LRP1B: variants seen among roughly 807,000 people sequenced by gnomAD.
LRP1B encodes LDL receptor related protein 1B, also known as low-density lipoprotein receptor-related protein 1B.
In LRP1B, 217 loss-of-function variants were observed where a neutral mutation model predicts 556.6. The observed-to-expected ratio is 0.39, with a 90% confidence interval of 0.35 to 0.44. The LOEUF (loss-of-function observed/expected upper bound fraction) is 0.44. Among genes scored for constraint, LRP1B ranks in the 20% least tolerant of loss-of-function variants. The probability of loss-of-function intolerance (pLI) is 1.00; values close to 1 mark genes in which losing one functional copy is unlikely to be tolerated. For missense variants in LRP1B, 5,053 were observed against 5,620.8 expected (o/e 0.90, Z 3.23); for synonymous variants, 2,047 against 1,865.8 (o/e 1.10, Z -2.50).
At chr2:140,793,227 T>C (rs1468286929) in intron 32 of LRP1B, among the ~76,000 whole-genome samples, 2 of 152,022 alleles carry the variant, frequency 1.3e-5, no homozygotes, top group African/African-American at 2.4e-5. Flanking sequence ...TGCCATTTTT[T>C]ATAATTTACT....
chr2:141,605,040 G>A (rs1455351233), intron 2 of LRP1B, among the ~76,000 whole-genome samples: 2 of 152,014 alleles, frequency 1.3e-5, no homozygotes, highest in Admixed American at 6.6e-5. Flanking sequence ...ACGTAAGGTG[G>A]CCCGGGTGGG....
intron 3 of LRP1B, among the ~76,000 whole-genome samples, chr2:141,299,465 A>G (rs1178246875): frequency 1.3e-5 from 2 of 152,206 alleles, no homozygotes; most frequent in African/African-American, 2.4e-5. Flanking sequence ...GGTACTTGAT[A>G]TTAAATGATT....
chr2:142,128,731 G>T (rs886851526), intron 1 of LRP1B, among the ~76,000 whole-genome samples: 1 of 152,002 alleles, frequency 6.6e-6, no homozygotes, highest in Admixed American at 6.6e-5. Context: ...GATACAACAC[G>T]ACACTATTTC....
In LRP1B at chr2:142,081,903, G is replaced by A. The variant is rs879156637; in HGVS notation, c.82+48745C>T. Among the ~76,000 whole-genome samples the A allele has an allele frequency of 2.6e-5, 4 of 152,160 alleles. No homozygotes were observed. The South Asian group carries it at 8.3e-4, about 32-fold the overall frequency. ...GTAATATTATCAGCCCTATTTTACAGAGGGTAAAAAGTGGGACCTGGAAAA... is the reference window on the plus strand; with the variant it reads ...GTAATATTATCAGCCCTATTTTACAAAGGGTAAAAAGTGGGACCTGGAAAA... On this transcript the variant is annotated intron_variant, in intron 1 of 90. Coordinates refer to ENST00000389484, the MANE Select transcript of LRP1B (RefSeq NM_018557.3).
chr2:141,667,829 C>A (rs1353488815), intron 2 of LRP1B, among the ~76,000 whole-genome samples: 1 of 152,122 alleles, frequency 6.6e-6, no homozygotes, highest in Non-Finnish European at 1.5e-5. Context: ...CTAGTACCTG[C>A]ACATGGGAGG....
chr2:141,996,681 T>G (rs1194481822), intron 1 of LRP1B, among the ~76,000 whole-genome samples: 2 of 150,068 alleles, frequency 1.3e-5, no homozygotes, highest in Non-Finnish European at 2.9e-5. Context: ...ATTTAAAATT[T>G]TAAAATATTT....
intron 35 of LRP1B, among the ~76,000 whole-genome samples, chr2:140,725,529 C>G (rs1687562818): frequency 8.5e-6 from 1 of 117,242 alleles, no homozygotes; most frequent in Non-Finnish European, 1.6e-5. Context: ...ACACCGGGGC[C>G]TGTCATGGGG....
At chr2:141,113,245 C>T (rs960211123) in intron 7 of LRP1B, among the ~76,000 whole-genome samples, 2 of 151,972 alleles carry the variant, frequency 1.3e-5, no homozygotes, top group Admixed American at 6.6e-5. Context: ...ACACAGTGAA[C>T]CAAAGAGATT....
At chr2:141,397,982 C>T (rs185964962) in intron 3 of LRP1B, among the ~76,000 whole-genome samples, 275 of 151,834 alleles carry the variant, frequency 1.8e-3, no homozygotes, top group Non-Finnish European at 3.2e-3. Flanking sequence ...TATACATAGA[C>T]CTATACTTTC....
At chr2:141,564,283 G>T (rs1378288245) in intron 2 of LRP1B, among the ~76,000 whole-genome samples, 2 of 152,062 alleles carry the variant, frequency 1.3e-5, no homozygotes, top group Non-Finnish European at 2.9e-5. Flanking sequence ...AAAGAATGAG[G>T]GTTAAGGAGT....
At chr2:142,077,438 T>A (rs1574659088) in intron 1 of LRP1B, among the ~76,000 whole-genome samples, 1 of 152,254 alleles carries the variant, frequency 6.6e-6, no homozygotes, top group East Asian at 1.9e-4. Flanking sequence ...CAAATGAATA[T>A]AATAATTTTT....
At chr2:141,116,421 G>C (rs1055264602) in intron 7 of LRP1B, among the ~76,000 whole-genome samples, 6 of 152,108 alleles carry the variant, frequency 3.9e-5, no homozygotes, top group African/African-American at 1.4e-4. Flanking sequence ...ATCCAATATG[G>C]AAGTCAAGTA....
rs1280249763 is a variant in LRP1B at position 140,792,810 on chromosome 2, C to T, written c.5360-16572G>A. Among the ~76,000 whole-genome samples the T allele has an allele frequency of 6.6e-5, 10 of 151,946 alleles. No individual in the cohort carries two copies. The East Asian group carries it at 1.9e-3, about 29-fold the overall frequency. Reference sequence around the variant, plus strand: ...AGAATATGTATAGTAACCCAGAGAGCAAAAGAGGATTGATGTAAAGCCTTA... The same window carrying T: ...AGAATATGTATAGTAACCCAGAGAGTAAAAGAGGATTGATGTAAAGCCTTA... On this transcript the variant is annotated intron_variant, in intron 32 of 90. Coordinates refer to ENST00000389484, the MANE Select transcript of LRP1B (RefSeq NM_018557.3).
intron 7 of LRP1B, among the ~76,000 whole-genome samples, chr2:141,099,426 A>G: frequency 6.6e-6 from 1 of 152,070 alleles, no homozygotes; most frequent in Non-Finnish European, 1.5e-5. Flanking sequence ...TTCCTCTAAT[A>G]TCTCAACTCC....
intron 2 of LRP1B, among the ~76,000 whole-genome samples, chr2:141,773,728 C>T (rs1694970432): frequency 6.6e-6 from 1 of 152,162 alleles, no homozygotes; most frequent in South Asian, 2.1e-4. Flanking sequence ...GGACTGAAGT[C>T]TTGAGGAAAA....
chr2:140,750,164 T>C (rs1688526039), intron 35 of LRP1B, among the ~76,000 whole-genome samples: 1 of 152,136 alleles, frequency 6.6e-6, no homozygotes. Flanking sequence ...AATAATGTAG[T>C]CCTTTTTTCA....
At chr2:140,799,466 C>A (rs1334020558) in intron 32 of LRP1B, among the ~76,000 whole-genome samples, 2 of 152,192 alleles carry the variant, frequency 1.3e-5, no homozygotes, top group Non-Finnish European at 2.9e-5. Flanking sequence ...AAATACATTT[C>A]TGTTGTTTAA....
chr2:140,721,945 A>G (rs2105476245), intron 35 of LRP1B, among the ~76,000 whole-genome samples: 1 of 152,098 alleles, frequency 6.6e-6, no homozygotes, highest in African/African-American at 2.4e-5. Flanking sequence ...TTACATATGG[A>G]ACACAACCAT....
intron 7 of LRP1B, among the ~76,000 whole-genome samples, chr2:141,178,161 C>G (rs370146176): frequency 6.6e-6 from 1 of 152,060 alleles, no homozygotes; most frequent in East Asian, 1.9e-4. Flanking sequence ...ATGAAATACA[C>G]AGAGCCCCAG....
Sources: allele counts gnomAD v4.1 joint callset (sites outside exome capture counted in the v4.1 genomes callset), GRCh38; gene constraint gnomAD v4.1.1; transcripts MANE v1.5; gene names NCBI Gene and HGNC (gene_info 2026-07-23, HGNC 2026-07-21).